Variants in TENM4 observed in about 807,000 individuals in gnomAD.
TENM4 encodes teneurin-4.
A neutral mutation model predicts 243.3 loss-of-function variants in TENM4; 82 were observed. The ratio of observed to expected loss-of-function variants is 0.34; its 90% CI spans 0.28 to 0.40. The LOEUF is 0.40. Ranked by LOEUF, TENM4 falls within the 10% of genes least tolerant of loss-of-function variation. The pLI, the probability that TENM4 is intolerant of heterozygous loss-of-function variation, is 1.00. For synonymous variants in TENM4, 1,412 were observed against 1,456.3 expected (o/e 0.97, Z 0.69); for missense variants, 3,138 against 3,673.3 (o/e 0.85, Z 3.77).
chr11:79,267,832 C>T (rs1855906508), intron 2 of TENM4, among the ~76,000 whole-genome samples: 3 of 152,194 alleles, frequency 2.0e-5, no homozygotes, highest in African/African-American at 7.2e-5. Context: ...GAGCCCAGGT[C>T]CTGCCCCAGA....
intron 3 of TENM4, among the ~76,000 whole-genome samples, chr11:79,188,264 G>A (rs1192314838): frequency 6.6e-6 from 1 of 152,226 alleles, no homozygotes; most frequent in Admixed American, 6.5e-5. Context: ...GAATTGAGAA[G>A]AGAAGTGGGA....
At chr11:78,997,314 C>A (rs1408854271) in intron 6 of TENM4, among the ~76,000 whole-genome samples, 1 of 152,180 alleles carries the variant, frequency 6.6e-6, no homozygotes, top group East Asian at 1.9e-4. Context: ...CAAATCCCAT[C>A]AGTCTCCAAA....
rs553514947 is a variant in TENM4, at chr11:78,785,094, C to A, written c.2365+1804G>T. Among the ~76,000 whole-genome samples the A allele has an allele frequency of 2.7e-5, 4 of 148,996 alleles. No homozygotes were observed. In the East Asian group the frequency reaches 5.9e-4, roughly 22 times the overall value. ...TTTTTGTTTTTTAGATAGGTGTGGG[C>A]TTTCTTCTGGGCTGGGAGGTTGAAA... On this transcript the variant is annotated intron_variant, in intron 16 of 33. Transcript: ENST00000278550.
chr11:79,116,413 C>A (rs1424867533), intron 4 of TENM4, among the ~76,000 whole-genome samples: 1 of 152,186 alleles, frequency 6.6e-6, no homozygotes, highest in Non-Finnish European at 1.5e-5. Context: ...TAACCACTGA[C>A]AGATGCCAAA....
Position 78,812,151 on chromosome 11 carries a change from G to A in TENM4, c.1949C>T (p.Pro650Leu). The A allele has an allele frequency of 1.3e-6, 2 of 1,551,640 alleles. No individual in the cohort carries two copies. Among genetic ancestry groups the A allele is most frequent in the South Asian group, 2.4e-5 (2 of 84,044 alleles). The stretch of plus-strand genomic sequence containing the variant: ...CTCACAGCTCTCGCCCTTGTAGCCA[G>A]GGTTGCAGATGCAGGTGCCCGTGAT... ...TCITGTCICNPGYKGESCEEV... is the reference protein window; with the variant it reads ...TCITGTCICNLGYKGESCEEV... Residue 650 changes from proline to leucine, a missense_variant, in exon 14 of 34, where the codon CCT becomes CTT. Around this residue, in one of 2 missense-constraint regions of TENM4, gnomAD observed 2,467 missense variants for 3,059.1 expected, o/e 0.81. Transcript: ENST00000278550.
intron 2 of TENM4, among the ~76,000 whole-genome samples, chr11:79,241,717 C>T (rs988304000): frequency 5.3e-5 from 8 of 151,008 alleles, no homozygotes; most frequent in East Asian, 1.9e-4. Flanking sequence ...CACATGTGAG[C>T]GTGTGTGTGT....
chr11:78,831,268 T>G (rs1208109849), intron 12 of TENM4, among the ~76,000 whole-genome samples: 1 of 152,236 alleles, frequency 6.6e-6, no homozygotes, highest in Non-Finnish European at 1.5e-5. Context: ...ATTAGTCATC[T>G]GCATGTCTGC....
chr11:78,872,699 G>A (rs2136245031), intron 9 of TENM4, among the ~76,000 whole-genome samples: 1 of 152,292 alleles, frequency 6.6e-6, no homozygotes, highest in East Asian at 1.9e-4. Context: ...TGGTGCTTGG[G>A]AGCTCACACA....
chr11:78,948,400 G>A (rs1857047227), intron 6 of TENM4, among the ~76,000 whole-genome samples: 1 of 144,566 alleles, frequency 6.9e-6, no homozygotes, highest in Admixed American at 6.9e-5. Flanking sequence ...TTGAGACGGA[G>A]TCTTGCTCTG....
Position 78,854,151 on chromosome 11 carries a change from T to C in TENM4, c.1634A>G (p.Asn545Ser). 6.4e-7 allele frequency: 1 copy of C among 1,551,664 alleles called. No individual in the cohort carries two copies. The highest frequency in any genetic ancestry group is 8.7e-7 in the Non-Finnish European group (1 of 1,146,966). ...AACCACTTCTGACTCCTTTCCGTCA[T>C]TGTAAAAAGCCAAGTGCCAGATTCC... ...DSGIWHLAFY[N>S]DGKESEVVSF... The change falls in exon 12 of 34, where the codon AAT (asparagine) becomes AGT (serine). Residue 545 changes from asparagine (N) to serine (S), a missense_variant. Physicochemically the swap from Asn to Ser is conservative, Grantham distance 46. Transcript: ENST00000278550.
intron 1 of TENM4, among the ~76,000 whole-genome samples, chr11:79,304,927 A>C (rs1856602976): frequency 6.6e-6 from 1 of 152,252 alleles, no homozygotes. Flanking sequence ...GAACAATCTA[A>C]GAGGTTGCCT....
intron 6 of TENM4, among the ~76,000 whole-genome samples, chr11:78,955,055 C>G (rs924508422): frequency 2.0e-5 from 3 of 152,214 alleles, no homozygotes; most frequent in African/African-American, 7.2e-5. Context: ...GGAAACTGAG[C>G]TCACATGATA....
At chr11:78,989,507 G>T (rs531441948) in intron 6 of TENM4, among the ~76,000 whole-genome samples, 2 of 152,230 alleles carry the variant, frequency 1.3e-5, no homozygotes, top group Admixed American at 6.5e-5. Flanking sequence ...CTTTTCTTCT[G>T]CTTCATCTTC....
At chr11:78,661,346 C>T in intron 33 of TENM4, 103 bp downstream of exon 33, 1 of 1,421,890 alleles carries the variant, frequency 7.0e-7, no homozygotes, top group Admixed American at 2.1e-5. Flanking sequence ...GGAGGCACCA[C>T]ATTGGTGTCT....
At chr11:78,897,104 C>T (rs536261241) in intron 7 of TENM4, among the ~76,000 whole-genome samples, 4 of 152,170 alleles carry the variant, frequency 2.6e-5, no homozygotes, top group South Asian at 4.2e-4. Context: ...AGGTACTTGC[C>T]GGGCAGGGGG....
intron 2 of TENM4, among the ~76,000 whole-genome samples, chr11:79,243,061 C>T (rs150113256): frequency 6.6e-6 from 1 of 152,258 alleles, no homozygotes; most frequent in African/African-American, 2.4e-5. Flanking sequence ...GGATTTCCAT[C>T]CCCCTTTCTG....
At chr11:79,249,022 T>G (rs983207952) in intron 2 of TENM4, among the ~76,000 whole-genome samples, 3 of 152,250 alleles carry the variant, frequency 2.0e-5, no homozygotes, top group African/African-American at 7.2e-5. Context: ...TGTTTTCACC[T>G]GATCTTCAGC....
intron 6 of TENM4, among the ~76,000 whole-genome samples, chr11:79,004,255 G>T (rs1858413615): frequency 6.6e-6 from 1 of 152,126 alleles, no homozygotes; most frequent in Non-Finnish European, 1.5e-5. Flanking sequence ...CTAGCAAAGA[G>T]ATTCAGGATC....
At chr11:78,849,521 A>T (rs1333755023) in intron 12 of TENM4, among the ~76,000 whole-genome samples, 1 of 152,230 alleles carries the variant, frequency 6.6e-6, no homozygotes, top group Non-Finnish European at 1.5e-5. Context: ...TGTGAGGATT[A>T]AATAACATAA....
Sources: allele counts gnomAD v4.1 joint callset (sites outside exome capture counted in the v4.1 genomes callset), GRCh38; gene constraint gnomAD v4.1.1; regional missense constraint gnomAD v4.1.1; transcripts MANE v1.5; gene names NCBI Gene and HGNC (gene_info 2026-07-23, HGNC 2026-07-21).